The following CELSR1 variants were observed in gnomAD, a reference collection of about 807,000 sequenced individuals.
CELSR1 encodes cadherin EGF LAG seven-pass G-type receptor 1, also known as adhesion G protein-coupled receptor C1.
In CELSR1, 110 loss-of-function variants were observed where a neutral mutation model predicts 249.1. That is an observed-to-expected ratio of 0.44 (90% CI 0.38 to 0.52). The LOEUF (loss-of-function observed/expected upper bound fraction) is 0.52. Ranked by LOEUF, CELSR1 falls within the 20% of genes least tolerant of loss-of-function variation. The pLI is 0.00. For missense variants in CELSR1, 4,109 were observed against 4,296.4 expected, an observed-to-expected ratio of 0.96 and a Z score of 1.22; for synonymous variants, 2,113 against 1,900.0, an observed-to-expected ratio of 1.11 and a Z score of -2.92.
chr22:46,461,010 C>T (rs927951085), intron 2 of CELSR1, among the ~76,000 whole-genome samples: 2 of 152,182 alleles, frequency 1.3e-5, no homozygotes, highest in South Asian at 2.1e-4. Context: ...CCACTTGGGC[C>T]GATTCCAACC....
At chr22:46,516,905 C>T (rs920882543) in intron 1 of CELSR1, among the ~76,000 whole-genome samples, 3 of 152,194 alleles carry the variant, frequency 2.0e-5, no homozygotes, top group African/African-American at 7.2e-5. Context: ...CTGCAGCTGA[C>T]CCCCACTGAC....
At chr22:46,385,043 C>G (rs115835406) in intron 19 of CELSR1, among the ~76,000 whole-genome samples, 1 of 152,088 alleles carries the variant, frequency 6.6e-6, no homozygotes, top group African/African-American at 2.4e-5. Flanking sequence ...TTGCATGCCC[C>G]GGCTTTCCAA....
intron 24 of CELSR1, among the ~76,000 whole-genome samples, chr22:46,375,694 C>A (rs2078911750): frequency 6.6e-6 from 1 of 152,064 alleles, no homozygotes; most frequent in Non-Finnish European, 1.5e-5. Context: ...CAGGTGCGTA[C>A]CACTATGCCC....
chr22:46,452,306 C>A (rs778619805), intron 2 of CELSR1, among the ~76,000 whole-genome samples: 2 of 152,194 alleles, frequency 1.3e-5, no homozygotes, highest in Admixed American at 6.5e-5. Flanking sequence ...AGATAAAACA[C>A]TCCTTGTTTG....
In CELSR1 at chr22:46,361,280, T is replaced by C. The variant is rs1008007844; in HGVS notation, c.*1943A>G. The C allele has an allele frequency of 6.6e-6, 1 of 152,596 alleles. No individual in the cohort carries two copies. The highest frequency in any genetic ancestry group is 1.5e-5 in the Non-Finnish European group (1 of 68,048). 9.5% of individuals were successfully genotyped at this position (152,596 alleles called of 1,614,324 possible). On this transcript the variant is annotated 3_prime_UTR_variant, in exon 35 of 35. Coordinates refer to ENST00000674500, the MANE Select transcript of CELSR1 (RefSeq NM_001378328.1). ...TGTTAAAAACCTCCAGTGTCTAATC[T>C]CTCCCATAAAGTCTTAAGTAATAAA...
intron 24 of CELSR1, among the ~76,000 whole-genome samples, chr22:46,375,327 G>C (rs1246953391): frequency 1.3e-5 from 2 of 152,052 alleles, no homozygotes; most frequent in Non-Finnish European, 2.9e-5. Context: ...CTCTCAATGG[G>C]TGGTACCTTC....
rs746719085 is a variant in CELSR1 at position 46,366,413 on chromosome 22, G to C, written c.8273C>G (p.Ser2758Cys). The change falls in exon 30 of 35, where the codon TCC becomes TGC. Residue 2758 changes from serine (S) to cysteine (C), a missense_variant. This residue lies in a region of CELSR1 where 1,805 missense variants were observed against 1,831.6 expected (regional missense o/e 0.99). Transcript: ENST00000674500. The part of the protein sequence containing the change: ...PDMLRTDLGE[S>C]TASLDSIVRD... ...GACGATGCTGTCCAGCGAGGCGGTGGACTCGCCCAAGTCTGTGCGCAGCAT... is the reference window on the plus strand; with the variant it reads ...GACGATGCTGTCCAGCGAGGCGGTGCACTCGCCCAAGTCTGTGCGCAGCAT... 14 of 1,549,956 alleles carry C rather than the reference G, an allele frequency of 9.0e-6. No individual in the cohort carries two copies. In the Admixed American group the frequency reaches 2.2e-4, roughly 24 times the overall value.
At chr22:46,519,265 T>C (rs2080660526) in intron 1 of CELSR1, among the ~76,000 whole-genome samples, 1 of 152,184 alleles carries the variant, frequency 6.6e-6, no homozygotes, top group Non-Finnish European at 1.5e-5. Flanking sequence ...TGGCTCACAT[T>C]AAAATGGTTA....
In CELSR1 at chr22:46,535,687, T is replaced by C; in HGVS notation, c.1484A>G (p.His495Arg). ...DRDQGQNAAI[H>R]YSILSGNVAG... Reference sequence around the variant, plus strand: ...CACGTTCCCGCTGAGGATGCTGTAGTGAATGGCCGCGTTCTGGCCCTGGTC... The same window carrying C: ...CACGTTCCCGCTGAGGATGCTGTAGCGAATGGCCGCGTTCTGGCCCTGGTC... The change falls in exon 1 of 35, where the codon CAC becomes CGC. Residue 495 changes from histidine (H) to arginine (R), a missense_variant. His to Arg is a conservative substitution (Grantham distance 29). Transcript: ENST00000674500. 1 of 1,612,982 alleles carries C rather than the reference T, an allele frequency of 6.2e-7. No individual in the cohort carries two copies. Among genetic ancestry groups the C allele is most frequent in the Non-Finnish European group, 8.5e-7 (1 of 1,180,020 alleles).
intron 2 of CELSR1, among the ~76,000 whole-genome samples, chr22:46,444,087 C>T (rs1252777221): frequency 1.3e-5 from 2 of 152,204 alleles, no homozygotes; most frequent in Non-Finnish European, 2.9e-5. Flanking sequence ...AGGCTGGGCC[C>T]GGGGCTCAGA....
intron 5 of CELSR1, among the ~76,000 whole-genome samples, chr22:46,422,930 C>G (rs868226892): frequency 4.6e-5 from 7 of 152,218 alleles, no homozygotes; most frequent in Non-Finnish European, 8.8e-5. Context: ...TCCACCTTTG[C>G]TATAAGGGCC....
At chr22:46,513,043 C>G (rs2080589589) in intron 1 of CELSR1, among the ~76,000 whole-genome samples, 1 of 152,234 alleles carries the variant, frequency 6.6e-6, no homozygotes, top group South Asian at 2.1e-4. Context: ...CATCCCTCCC[C>G]AGTGGAGTGA....
At chr22:46,415,272 C>T (rs998688608) in intron 5 of CELSR1, among the ~76,000 whole-genome samples, 1 of 152,164 alleles carries the variant, frequency 6.6e-6, no homozygotes, top group African/African-American at 2.4e-5. Context: ...GCCTCAGCCT[C>T]CCAAGTAGCT....
intron 5 of CELSR1, among the ~76,000 whole-genome samples, chr22:46,421,658 A>T (rs1342842687): frequency 6.6e-6 from 1 of 152,242 alleles, no homozygotes; most frequent in East Asian, 1.9e-4. Context: ...AGCCACCTGA[A>T]GACCCCTCTA....
rs754766448 is a variant in CELSR1 at position 46,534,060 on chromosome 22, C to A, written c.3111G>T (p.Gln1037His). ...AATGCCGCATGTCCCCTTCCACAAT[C>A]TGATACATGATCTGGGCATTAGGGC... is the stretch of plus-strand genomic sequence containing the variant. ...DEGPNAQIMY[Q>H]IVEGDMRHFF... is the part of the protein sequence containing the mutation. The change falls in exon 1 of 35, where the codon CAG becomes CAT. Residue 1037 changes from glutamine (Q) to histidine (H), a missense_variant. Coordinates refer to ENST00000674500, the MANE Select transcript of CELSR1 (RefSeq NM_001378328.1). The surrounding 1 kb of genome is among the most constrained non-coding windows in gnomAD (Gnocchi z 9.7). 4 of 1,613,656 alleles carry A rather than the reference C, an allele frequency of 2.5e-6. No individual in the cohort carries two copies. In the East Asian group the frequency reaches 8.9e-5, roughly 36 times the overall value.
chr22:46,374,058 C>T lies in CELSR1; in HGVS notation c.7585-1001G>A, dbSNP rs1470562793. ...GGCCCCAAGTCAGCATCGCATCTGT[C>T]AGATACGGAACAGAGCAGGAACCGA... On this transcript the variant is annotated intron_variant, in intron 24 of 34. Transcript: ENST00000674500. The surrounding 1 kb of genome is among the most constrained non-coding windows in gnomAD (Gnocchi z 4.3). Among the ~76,000 whole-genome samples the T allele has an allele frequency of 6.6e-6, 1 of 152,238 alleles. No individual in the cohort carries two copies. The highest frequency in any genetic ancestry group is 1.5e-5 in the Non-Finnish European group (1 of 68,048).
rs147633534 is a variant in CELSR1 at position 46,406,958 on chromosome 22, C to T, written c.5226+2038G>A. Among the ~76,000 whole-genome samples the T allele has an allele frequency of 5.3e-4, 80 of 152,334 alleles. No homozygotes were observed. Among genetic ancestry groups the T allele is most frequent in the African/African-American group, 1.7e-3 (69 of 41,576 alleles). ...GGCACACAGCTGATGGCGGAGGACACGCAGCCCAGACGCCGCTTTGGGAGG... is the reference window on the plus strand; with the variant it reads ...GGCACACAGCTGATGGCGGAGGACATGCAGCCCAGACGCCGCTTTGGGAGG... On this transcript the variant is annotated intron_variant, in intron 9 of 34. Transcript: ENST00000674500. This position sits in a 1 kb window ranked among gnomAD's most constrained non-coding sequence, Gnocchi z 5.4.
rs976543316 is a variant in CELSR1 at position 46,391,105 on chromosome 22, C to G, written c.6250+81G>C. 2.6e-6 allele frequency: 3 copies of G among 1,144,624 alleles called. No homozygotes were observed. Among genetic ancestry groups the G allele is most frequent in the Non-Finnish European group, 3.8e-6 (3 of 784,840 alleles). The allele number at this position is 1,144,624 out of a possible 1,614,324, so 70.9% of individuals were successfully genotyped here. On this transcript the variant is annotated intron_variant, in intron 16 of 34. Coordinates refer to ENST00000674500, the MANE Select transcript of CELSR1 (RefSeq NM_001378328.1). This position sits in a 1 kb window ranked among gnomAD's most constrained non-coding sequence, Gnocchi z 4.3. ...GGATATTTTTTCAACACGAAACATT[C>G]CATGAGTCCCCACATCTCGACTGGC...
chr22:46,466,262 C>G (rs1332171474), intron 1 of CELSR1, among the ~76,000 whole-genome samples: 2 of 152,240 alleles, frequency 1.3e-5, no homozygotes, highest in Admixed American at 6.5e-5. Context: ...ACCCCAGCTG[C>G]TCCCACTCCG....
Sources: gnomAD v4.1 joint callset for allele counts (sites outside exome capture counted in the v4.1 genomes callset) on GRCh38, gnomAD v4.1.1 for gene constraint, gnomAD v4.1.1 regional missense constraint, Gnocchi (gnomAD v3.1) non-coding constraint, MANE v1.5 for transcripts, NCBI Gene and HGNC (gene_info 2026-07-23, HGNC 2026-07-21) for gene names.